Variants in TUBB6 observed in about 807,000 individuals in gnomAD.
TUBB6 encodes tubulin beta 6 class V, also known as tubulin beta-6 chain.
TUBB6 carries 18 observed loss-of-function variants against 32.3 expected under a neutral mutation model. That is an observed-to-expected ratio of 0.56 (90% CI 0.39 to 0.83). The LOEUF (loss-of-function observed/expected upper bound fraction) is 0.83. Ranked by LOEUF, TUBB6 falls within the 40% of genes least tolerant of loss-of-function variation. The probability of loss-of-function intolerance (pLI) is 0.00; values close to 1 mark genes in which losing one functional copy is unlikely to be tolerated. For missense variants in TUBB6, 480 were observed against 632.0 expected (o/e 0.76, Z 2.58); for synonymous variants, 280 against 265.8 (o/e 1.05, Z -0.52).
chr18:12,324,875 TACTTTG>T, intron 3 of TUBB6, 186 bp from the exon 4 acceptor site: 3 of 1,399,230 alleles, frequency 2.1e-6, no homozygotes, highest in Non-Finnish European at 1.8e-6. Context: ...GACCAGTAGC[TACTTTG>T]ACTTGCCTAA....
intron 3 of TUBB6, among the ~76,000 whole-genome samples, chr18:12,316,732 C>T (rs1396451786): frequency 6.6e-6 from 1 of 152,178 alleles, no homozygotes; most frequent in African/African-American, 2.4e-5. Context: ...GCAGAATTGT[C>T]TGTGAACTGG....
chr18:12,308,210 G>A (rs1906095813), upstream of TUBB6: 5 of 1,049,464 alleles, frequency 4.8e-6, no homozygotes, highest in South Asian at 1.2e-4. Context: ...GGCGCGGAGG[G>A]TCGGCCCCGG....
chr18:12,324,577 G>A (rs556565758), intron 3 of TUBB6, among the ~76,000 whole-genome samples: 1 of 151,056 alleles, frequency 6.6e-6, no homozygotes, highest in African/African-American at 2.4e-5. Context: ...AGCCTCCCAA[G>A]TAGCTGGGAC....
At chr18:12,309,398 T>TTC (rs1906224825) in intron 2 of TUBB6, among the ~76,000 whole-genome samples, 5 of 99,004 alleles carry the variant, frequency 5.1e-5, no homozygotes, top group Non-Finnish European at 9.8e-5. Context: ...AAACAAAGCT[T>TTC]CCCCCCCCCC....
rs1456393741 is a variant in TUBB6, at chr18:12,326,203, T to C, written c.*73T>C. The C allele has an allele frequency of 1.3e-6, 2 of 1,534,440 alleles. No homozygotes were observed. Among genetic ancestry groups the C allele is most frequent in the African/African-American group, 1.4e-5 (1 of 73,092 alleles). ...TCTTGAACCCTGGTGCCTCCTACCC[T>C]ATGGCCCTGAATGGTGCACTGGTTT... On this transcript the variant is annotated 3_prime_UTR_variant, in exon 4 of 4. Transcript: ENST00000317702.
In TUBB6 at chr18:12,318,044, G is replaced by A. The variant is rs191028906; in HGVS notation, c.277+6991G>A. On this transcript the variant is annotated intron_variant, in intron 3 of 3. Transcript: ENST00000317702. ...GTCCACTTACAGCTAGCTCAGGTCTGATTGATTGGGGTTCTATGTTTGCCA... is the reference window on the plus strand; with the variant it reads ...GTCCACTTACAGCTAGCTCAGGTCTAATTGATTGGGGTTCTATGTTTGCCA... 3.0e-4 allele frequency among the ~76,000 whole-genome samples: 46 copies of A among 152,260 alleles called. 1 individual carries two copies. The highest frequency in any genetic ancestry group is 2.6e-3 in the Admixed American group (40 of 15,300).
chr18:12,323,324 G>A (rs755715142), intron 3 of TUBB6, among the ~76,000 whole-genome samples: 3 of 152,124 alleles, frequency 2.0e-5, no homozygotes, highest in Admixed American at 6.6e-5. Context: ...CCACTCCTAC[G>A]TGCATCTGTT....
At position 12,308,299 on chromosome 18, in the gene TUBB6, G is replaced by C. The variant is rs746618167; in HGVS notation, c.7G>C (p.Glu3Gln). The change falls in exon 1 of 4, where the codon GAG (glutamate) becomes CAG (glutamine). Residue 3 changes from glutamate to glutamine, a missense_variant. Physicochemically the swap from Glu to Gln is conservative, Grantham distance 29. Transcript: ENST00000317702. ...GCGCAGAGCCGCGCCCGCCATGAGG[G>C]AGATCGTGCACATCCAGGCGGGCCA... MR[E>Q]IVHIQAGQCG... 40 of 1,478,812 alleles carry C rather than the reference G, an allele frequency of 2.7e-5. No individual in the cohort carries two copies. The highest frequency in any genetic ancestry group is 3.6e-5 in the Non-Finnish European group (40 of 1,110,286). The allele number at this position is 1,478,812 out of a possible 1,614,324, so 91.6% of individuals were successfully genotyped here.
At chr18:12,308,434 G>A in intron 1 of TUBB6, 85 bp downstream of exon 1, 11 of 1,103,332 alleles carry the variant, frequency 1.0e-5, no homozygotes, top group Non-Finnish European at 1.3e-5. Flanking sequence ...GCCGGGGCGC[G>A]CACCCGCTGT....
chr18:12,311,490 G>A (rs183120358), intron 3 of TUBB6, among the ~76,000 whole-genome samples: 8 of 152,210 alleles, frequency 5.3e-5, no homozygotes, highest in Non-Finnish European at 1.0e-4. Context: ...CCAGCTACTC[G>A]GGAGGCTGAG....
At chr18:12,315,008 TTAAAAC>T (rs1906596476) in intron 3 of TUBB6, among the ~76,000 whole-genome samples, 1 of 152,158 alleles carries the variant, frequency 6.6e-6, no homozygotes, top group Non-Finnish European at 1.5e-5. Flanking sequence ...TCTTAAAAGT[TTAAAAC>T]TAGAGTTAAA....
chr18:12,310,432 A>G (rs1263443904), intron 2 of TUBB6, among the ~76,000 whole-genome samples: 1 of 148,780 alleles, frequency 6.7e-6, no homozygotes, highest in African/African-American at 2.5e-5. Context: ...CGGAGCTTGC[A>G]GTGAGCCGAG....
intron 3 of TUBB6, among the ~76,000 whole-genome samples, chr18:12,320,250 C>T (rs897043925): frequency 8.0e-6 from 1 of 125,344 alleles, no homozygotes; most frequent in African/African-American, 2.7e-5. Flanking sequence ...ATAAAAAATT[C>T]CTTTTTTATA....
chr18:12,308,307 G>T lies in TUBB6; in HGVS notation c.15G>T (p.Val5=). The T allele has an allele frequency of 6.7e-7, 1 of 1,481,830 alleles. No individual in the cohort carries two copies. 91.8% of individuals were successfully genotyped at this position (1,481,830 alleles called of 1,614,324 possible). A position where few individuals can be genotyped will look rare whatever the true frequency, so the allele number is the denominator to read the frequency against. Residue 5 remains valine, a synonymous_variant, in exon 1 of 4, where the codon GTG becomes GTT. Transcript: ENST00000317702. ...CCGCGCCCGCCATGAGGGAGATCGT[G>T]CACATCCAGGCGGGCCAGTGCGGGA... MREI[V]HIQAGQCGNQ... is the part of the protein sequence containing the mutation.
chr18:12,308,579 T>C (rs1906143777), intron 1 of TUBB6, 108 bp from the exon 2 acceptor site: 3 of 888,562 alleles, frequency 3.4e-6, no homozygotes, highest in South Asian at 3.3e-5. Context: ...TGCCGGCGGC[T>C]CAGGCGCGCC....
intron 2 of TUBB6, among the ~76,000 whole-genome samples, chr18:12,309,409 C>A (rs899148779): frequency 2.8e-5 from 4 of 142,420 alleles, no homozygotes; most frequent in Non-Finnish European, 4.6e-5. Flanking sequence ...CCCCCCCCCC[C>A]CCCCCAGTTT....
At chr18:12,316,098 C>T (rs1906661168) in intron 3 of TUBB6, among the ~76,000 whole-genome samples, 1 of 152,188 alleles carries the variant, frequency 6.6e-6, no homozygotes, top group Non-Finnish European at 1.5e-5. Flanking sequence ...GGATGGGTGC[C>T]CCGAGGAGGC....
chr18:12,311,087 T>G lies in TUBB6; in HGVS notation c.277+34T>G, dbSNP rs1179664969. The G allele has an allele frequency of 2.0e-6, 3 of 1,507,544 alleles. No homozygotes were observed. In the African/African-American group the frequency reaches 4.2e-5, roughly 21 times the overall value. The allele number at this position is 1,507,544 out of a possible 1,614,324, so 93.4% of individuals were successfully genotyped here. A position where few individuals can be genotyped will look rare whatever the true frequency, so the allele number is the denominator to read the frequency against. Reference sequence around the variant, plus strand: ...CATCTTTCTCACTTTCTTCTTCTTCTTTTATTTTTTTAAATCAAATATTTT... The same window carrying G: ...CATCTTTCTCACTTTCTTCTTCTTCGTTTATTTTTTTAAATCAAATATTTT... On this transcript the variant is annotated intron_variant, in intron 3 of 3. Coordinates refer to ENST00000317702, the MANE Select transcript of TUBB6 (RefSeq NM_032525.3).
At chr18:12,329,770 A>C, downstream of TUBB6, 1 of 1,613,868 alleles carries the variant, frequency 6.2e-7, no homozygotes, top group Non-Finnish European at 8.5e-7. Flanking sequence ...TTTTTCTAAC[A>C]ACAGAAGAGC....
Sources: gnomAD v4.1 joint callset for allele counts (sites outside exome capture counted in the v4.1 genomes callset) on GRCh38, gnomAD v4.1.1 for gene constraint, MANE v1.5 for transcripts, NCBI Gene and HGNC (gene_info 2026-07-23, HGNC 2026-07-21) for gene names.